Variants in ZNF836 observed in about 807,000 individuals in gnomAD.
The protein encoded by ZNF836 is zinc finger protein 836.
ZNF836 carries 12 observed loss-of-function variants against 7.4 expected under a neutral mutation model. The ratio of observed to expected loss-of-function variants is 1.61; its 90% CI spans 1.03 to 2.61. The LOEUF is 2.61. Ranked by LOEUF, ZNF836 falls within the 30% of genes most tolerant of loss-of-function variation. The pLI is 0.00. For synonymous variants in ZNF836, 365 were observed against 382.6 expected (o/e 0.95, Z 0.54); for missense variants, 998 against 1,126.2 (o/e 0.89, Z 1.63).
Position 52,155,954 on chromosome 19 carries a change from TA to T in ZNF836, c.1728del (p.His576GlnfsTer22), listed in dbSNP as rs760484133. 6.2e-7 allele frequency: 1 copy of T among 1,613,898 alleles called. No individual in the cohort carries two copies. Among genetic ancestry groups the T allele is most frequent in the Non-Finnish European group, 8.5e-7 (1 of 1,179,900 alleles). On this transcript the variant is annotated frameshift_variant, in exon 5 of 5. Transcript: ENST00000682614. LOFTEE classifies it low-confidence loss of function (END_TRUNC). Reference sequence around the variant, plus strand: ...TTACATTGGAAAGGTTTCTCTCCCGTATGTATTCTCTTATGAATTGAAAGGT... The same window carrying T: ...TTACATTGGAAAGGTTTCTCTCCCGTTGTATTCTCTTATGAATTGAAAGGT... Reference protein sequence around the residue: ...SGNLSIHKRIHTGEKPFQCNE... With the variant: ...SGNLSIHKRIXTGEKPFQCNE...
chr19:52,161,579 T>C lies in ZNF836; in HGVS notation c.16-988A>G, dbSNP rs2089213018. On this transcript the variant is annotated intron_variant, in intron 3 of 4. Coordinates refer to ENST00000682614, the MANE Select transcript of ZNF836 (RefSeq NM_001102657.3). This position sits in a 1 kb window ranked among gnomAD's most constrained non-coding sequence, Gnocchi z 4.1. ...GCAGACTTCTCATGATCCAATCTCC[T>C]CCTAAAGGCCACGACTCATAACATT... 6.6e-6 allele frequency among the ~76,000 whole-genome samples: 1 copy of C among 150,896 alleles called. No homozygotes were observed. The highest frequency in any genetic ancestry group is 2.4e-5 in the African/African-American group (1 of 40,982).
In ZNF836 at chr19:52,169,101, G is replaced by A. The variant is rs568268486; in HGVS notation, c.-81+547C>T. ...GGAAAGTTTTTGAAAAATTTAATGA[G>A]TTATAGGGTGAAAGTTTAAAAAAAT... On this transcript the variant is annotated intron_variant, in intron 2 of 4. Transcript: ENST00000682614. Among the ~76,000 whole-genome samples the A allele has an allele frequency of 4.6e-5, 7 of 152,264 alleles. No homozygotes were observed. In the East Asian group the frequency reaches 7.7e-4, roughly 17 times the overall value.
chr19:52,159,447 A>T (rs1600139992), intron 4 of ZNF836, among the ~76,000 whole-genome samples: 1 of 152,342 alleles, frequency 6.6e-6, no homozygotes, highest in East Asian at 1.9e-4. Context: ...ATGTTTTTAA[A>T]TAAAACTGGC....
In ZNF836 at chr19:52,155,806, G is replaced by A; in HGVS notation, c.1877C>T (p.Ser626Leu). The change falls in exon 5 of 5, where the codon TCA becomes TTA. Residue 626 changes from serine to leucine, a missense_variant. Ser to Leu is a moderately radical substitution (Grantham distance 145, BLOSUM62 -2). Transcript: ENST00000682614. ...GKVFNDSGNL[S>L]NHKRIHTGEK... Reference sequence around the variant, plus strand: ...TCCAGTATGAATTCTCTTATGATTTGAAAGGTTTCCACTGTCATTGAAGAC... The same window carrying A: ...TCCAGTATGAATTCTCTTATGATTTAAAAGGTTTCCACTGTCATTGAAGAC... 1 of 1,613,950 alleles carries A rather than the reference G, an allele frequency of 6.2e-7. No individual in the cohort carries two copies. Among genetic ancestry groups the A allele is most frequent in the Non-Finnish European group, 8.5e-7 (1 of 1,179,878 alleles).
chr19:52,167,131 T>C (rs1249067878), intron 3 of ZNF836, among the ~76,000 whole-genome samples: 1 of 151,692 alleles, frequency 6.6e-6, no homozygotes, highest in Non-Finnish European at 1.5e-5. Flanking sequence ...ACGGATACAG[T>C]GACAATGGCT....
chr19:52,160,651 T>A, intron 3 of ZNF836, 60 bp from the exon 4 acceptor site: 1 of 1,531,060 alleles, frequency 6.5e-7, no homozygotes, highest in Admixed American at 2.2e-5. Context: ...ATACATAAAA[T>A]GAGAAGAGGA....
intron 3 of ZNF836, among the ~76,000 whole-genome samples, chr19:52,164,415 A>G (rs2122223720): frequency 1.3e-5 from 2 of 148,346 alleles, no homozygotes; most frequent in East Asian, 4.0e-4. Flanking sequence ...AGAGAAAGAA[A>G]GAGAAAGGAG....
intron 4 of ZNF836, among the ~76,000 whole-genome samples, chr19:52,159,021 G>A (rs1337282562): frequency 1.3e-5 from 2 of 152,104 alleles, no homozygotes; most frequent in African/African-American, 2.4e-5. Flanking sequence ...TGAGGACACA[G>A]AAAGAGTTAG....
At chr19:52,170,932 G>GC (rs1382899189) in intron 1 of ZNF836, among the ~76,000 whole-genome samples, 5 of 89,570 alleles carry the variant, frequency 5.6e-5, no homozygotes, top group Non-Finnish European at 8.1e-5. Context: ...CCTCCCCCAA[G>GC]GGGGGGATCG....
At position 52,155,720 on chromosome 19, in the gene ZNF836, G is replaced by A. The variant is rs370501248; in HGVS notation, c.1963C>T (p.Arg655Cys). ...TCTCCGGTATGAATTTTCCGATGACGTGCTAGGCATGAGTAGTAACTGAAA... is the reference window on the plus strand; with the variant it reads ...TCTCCGGTATGAATTTTCCGATGACATGCTAGGCATGAGTAGTAACTGAAA... Reference protein sequence around the residue: ...KVFSYYSCLARHRKIHTGEKP... With the variant: ...KVFSYYSCLACHRKIHTGEKP... The change falls in exon 5 of 5, where the codon CGT (arginine) becomes TGT (cysteine). Residue 655 changes from arginine (R) to cysteine (C), a missense_variant. Physicochemically the swap from Arg to Cys is radical, Grantham distance 180. Transcript: ENST00000682614. 8.1e-6 allele frequency: 13 copies of A among 1,613,900 alleles called. No homozygotes were observed. The highest frequency in any genetic ancestry group is 2.2e-5 in the South Asian group (2 of 91,078).
intron 3 of ZNF836, among the ~76,000 whole-genome samples, chr19:52,166,068 T>C (rs901025626): frequency 2.0e-5 from 3 of 152,134 alleles, no homozygotes; most frequent in Non-Finnish European, 4.4e-5. Context: ...CTCAGCTCAC[T>C]GCAACCTCTG....
Position 52,155,473 on chromosome 19 carries a change from A to G in ZNF836, c.2210T>C (p.Leu737Pro). The change falls in exon 5 of 5, where the codon CTG (leucine) becomes CCG (proline). Residue 737 changes from leucine (L) to proline (P), a missense_variant. By Grantham distance (98) the Leu-to-Pro change is moderately conservative (BLOSUM62 -3). Transcript: ENST00000682614. ...AGTATGCCTTCTCTGATGGTACGTC[A>G]GGCCTGTTATATGACTAAAAGTTCT... is the stretch of plus-strand genomic sequence containing the variant. ...CGRTFSHITG[L>P]TYHQRRHTGE... 1 of 1,614,052 alleles carries G rather than the reference A, an allele frequency of 6.2e-7. No individual in the cohort carries two copies. The highest frequency in any genetic ancestry group is 8.5e-7 in the Non-Finnish European group (1 of 1,179,914).
At chr19:52,168,511 C>T (rs2089284414) in intron 2 of ZNF836, among the ~76,000 whole-genome samples, 1 of 145,436 alleles carries the variant, frequency 6.9e-6, no homozygotes, top group Non-Finnish European at 1.5e-5. Context: ...TTGCTTGAAC[C>T]TGGGAGGCAG....
intron 2 of ZNF836, among the ~76,000 whole-genome samples, chr19:52,168,733 A>G (rs541272238): frequency 5.9e-5 from 9 of 152,290 alleles, no homozygotes; most frequent in African/African-American, 2.2e-4. Context: ...AAAAGAAGAA[A>G]ATCCTGCTAT....
At position 52,156,004 on chromosome 19, in the gene ZNF836, C is replaced by T; in HGVS notation, c.1679G>A (p.Gly560Asp). 6.2e-7 allele frequency: 1 copy of T among 1,614,012 alleles called. No individual in the cohort carries two copies. Among genetic ancestry groups the T allele is most frequent in the Non-Finnish European group, 8.5e-7 (1 of 1,179,886 alleles). ...GTTTCCACTGTAATTGAAGACCTTG[C>T]CACACACATTACATTTGTAAGGTTG... is the stretch of plus-strand genomic sequence containing the variant. ...GEQPYKCNVCGKVFNYSGNLS... is the reference protein window; with the variant it reads ...GEQPYKCNVCDKVFNYSGNLS... Residue 560 changes from glycine to aspartate, a missense_variant, in exon 5 of 5, where the codon GGC becomes GAC. Coordinates refer to ENST00000682614, the MANE Select transcript of ZNF836 (RefSeq NM_001102657.3).
chr19:52,160,790 G>T, intron 3 of ZNF836, 199 bp from the exon 4 acceptor site: 1 of 581,472 alleles, frequency 1.7e-6, no homozygotes, highest in Non-Finnish European at 2.9e-6. Flanking sequence ...CCGTAAATCA[G>T]TGTAGGCTTC....
chr19:52,163,557 A>G lies in ZNF836; in HGVS notation c.16-2966T>C, dbSNP rs2089233077. ...TGGGAGGCCGAGGTGGGCGGATCAC[A>G]AGGTCAAGAGATCGAAACCATCCTG... On this transcript the variant is annotated intron_variant, in intron 3 of 4. Transcript: ENST00000682614. Among the ~76,000 whole-genome samples the G allele has an allele frequency of 1.1e-4, 16 of 151,924 alleles. 1 individual carries two copies. In the South Asian group the frequency reaches 2.3e-3, roughly 22 times the overall value.
At chr19:52,159,214 A>G (rs2089192436) in intron 4 of ZNF836, among the ~76,000 whole-genome samples, 2 of 152,182 alleles carry the variant, frequency 1.3e-5, no homozygotes, top group Admixed American at 1.3e-4. Flanking sequence ...TATAAACATG[A>G]AATAATGTTG....
At chr19:52,162,453 A>G (rs753210679) in intron 3 of ZNF836, among the ~76,000 whole-genome samples, 7 of 152,244 alleles carry the variant, frequency 4.6e-5, no homozygotes, top group Non-Finnish European at 7.3e-5. Flanking sequence ...ACTTTTAGTT[A>G]GCACTGTGTT....
Sources: gnomAD v4.1 joint callset for allele counts (sites outside exome capture counted in the v4.1 genomes callset) on GRCh38, gnomAD v4.1.1 for gene constraint, Gnocchi (gnomAD v3.1) non-coding constraint, MANE v1.5 for transcripts, NCBI Gene and HGNC (gene_info 2026-07-23, HGNC 2026-07-21) for gene names.